The following UTY variants were observed in gnomAD, a reference collection of about 807,000 sequenced individuals.
UTY encodes the protein ubiquitously transcribed tetratricopeptide repeat containing, Y-linked, also known as histone demethylase UTY.
In UTY, 12 loss-of-function variants were observed where a neutral mutation model predicts 32.5. The observed-to-expected ratio is 0.37, with a 90% CI of 0.24 to 0.60. The LOEUF (loss-of-function observed/expected upper bound fraction) is 0.60. Among genes scored for constraint, UTY ranks in the 20% least tolerant of loss-of-function variants. The pLI is 0.69. For synonymous variants in UTY, 131 were observed against 103.4 expected (o/e 1.27, Z -1.62); for missense variants, 303 against 299.2 (o/e 1.01, Z -0.09).
intron 6 of UTY, among the ~76,000 whole-genome samples, chrY:13,409,312 A>G: frequency 3.0e-5 from 1 of 33,599 alleles, no homozygotes; most frequent in East Asian, 7.6e-4. Context: ...ACTGCACTTA[A>G]CCTTGGACTT....
chrY:13,452,006 ACT>A lies in UTY; in HGVS notation c.326-2942_326-2941del, dbSNP rs2076368493. Among the ~76,000 whole-genome samples, 7 of 33,693 alleles carry A rather than the reference ACT, an allele frequency of 2.1e-4. No homozygotes were observed. The East Asian group carries it at 3.9e-3, about 19-fold the overall frequency. 90.4% of individuals were successfully genotyped at this position (33,693 alleles called of 37,273 possible). ...CAGTTCAACATTAGCAAAAAGCCTA[ACT>A]CAGTAATCTGAACTTTAACATTCAC... On this transcript the variant is annotated intron_variant, in intron 3 of 29. Coordinates refer to ENST00000545955, the MANE Select transcript of UTY (RefSeq NM_001258249.2).
intron 4 of UTY, among the ~76,000 whole-genome samples, chrY:13,445,303 G>A (rs2075642122): frequency 1.3e-3 from 26 of 20,633 alleles, no homozygotes; most frequent in African/African-American, 4.7e-3. Flanking sequence ...TATCTCTTGT[G>A]ACCATGACAG....
intron 17 of UTY, among the ~76,000 whole-genome samples, chrY:13,341,770 A>G: frequency 6.0e-5 from 2 of 33,180 alleles, no homozygotes; most frequent in African/African-American, 2.4e-4. Context: ...CAGTTGGACC[A>G]CTGTCTAAAA....
chrY:13,266,668 C>A (rs2055835528), intron 27 of UTY, among the ~76,000 whole-genome samples: 1 of 33,337 alleles, frequency 3.0e-5, no homozygotes, highest in East Asian at 7.8e-4. Flanking sequence ...TCCCTCTATA[C>A]AACGCTTTAG....
intron 21 of UTY, among the ~76,000 whole-genome samples, chrY:13,321,601 T>C (rs564163322): frequency 3.5e-3 from 116 of 33,355 alleles, no homozygotes; most frequent in African/African-American, 0.013. Context: ...TACAACCATT[T>C]GTCTCTTACC....
rs751011223 is a variant in UTY at position 13,362,075 on chromosome Y, G to A, written c.867-1547C>T. ...CAGACAAATCTGGCTAATACTGGAA[G>A]AAATAAGCAGTATTTTCTCAGACCA... On this transcript the variant is annotated intron_variant, in intron 10 of 29. Coordinates refer to ENST00000545955, the MANE Select transcript of UTY (RefSeq NM_001258249.2). 1.3e-3 allele frequency among the ~76,000 whole-genome samples: 43 copies of A among 33,763 alleles called. No homozygotes were observed. In the South Asian group the frequency reaches 0.028, roughly 22 times the overall value. The allele number at this position is 33,763 out of a possible 37,273, so 90.6% of individuals were successfully genotyped here.
At chrY:13,267,637 C>T (rs2055938225) in intron 27 of UTY, among the ~76,000 whole-genome samples, 1 of 33,684 alleles carries the variant, frequency 3.0e-5, no homozygotes, top group African/African-American at 1.2e-4. Flanking sequence ...GGTATGTTTT[C>T]GCAGTGGTTA....
chrY:13,297,893 G>C, intron 26 of UTY, 45 bp from the exon 27 acceptor site: 1 of 310,415 alleles, frequency 3.2e-6, no homozygotes, highest in Non-Finnish European at 4.8e-6. Flanking sequence ...CAAAGTAATA[G>C]AACACATGAA....
chrY:13,433,835 C>T (rs2074265137), intron 4 of UTY, among the ~76,000 whole-genome samples: 1 of 33,864 alleles, frequency 3.0e-5, no homozygotes, highest in Non-Finnish European at 7.4e-5. Context: ...CAAGACTTAT[C>T]TACATAAATG....
At chrY:13,264,716 G>C (rs2055606497) in intron 27 of UTY, among the ~76,000 whole-genome samples, 1 of 32,419 alleles carries the variant, frequency 3.1e-5, no homozygotes, top group Admixed American at 2.8e-4. Flanking sequence ...GATGCCTATT[G>C]ATTTTGCTGT....
Position 13,306,113 on chromosome Y carries a change from C to T in UTY, c.3342-1G>A. The T allele has an allele frequency of 2.5e-6, 1 of 396,672 alleles. No homozygotes were observed. The highest frequency in any genetic ancestry group is 3.5e-6 in the Non-Finnish European group (1 of 282,252). On this transcript the variant is annotated splice_acceptor_variant, in intron 22 of 29. Coordinates refer to ENST00000545955, the MANE Select transcript of UTY (RefSeq NM_001258249.2). LOFTEE classifies it high-confidence loss of function. Reference sequence around the variant, plus strand: ...AGGTCCTTTCCTTCTCCTTCCAGAACTTAAAAAAAGAGAGAATATGAAATC... The same window carrying T: ...AGGTCCTTTCCTTCTCCTTCCAGAATTTAAAAAAAGAGAGAATATGAAATC...
chrY:13,313,096 A>G (rs2059289493), intron 21 of UTY, among the ~76,000 whole-genome samples: 1 of 33,205 alleles, frequency 3.0e-5, no homozygotes, highest in Admixed American at 2.7e-4. Context: ...ATAGACATGC[A>G]CTCTTTTGTT....
chrY:13,356,088 C>A, intron 15 of UTY, 70 bp from the exon 16 acceptor site: 1 of 199,213 alleles, frequency 5.0e-6, no homozygotes, highest in African/African-American at 8.1e-5. Flanking sequence ...CAACTCCTCA[C>A]TAAAAAGACT....
intron 4 of UTY, among the ~76,000 whole-genome samples, chrY:13,443,916 T>C: frequency 3.0e-5 from 1 of 33,859 alleles, no homozygotes; most frequent in East Asian, 7.8e-4. Flanking sequence ...TTACATTAAA[T>C]GGAATATAAA....
At chrY:13,408,711 C>T (rs2070414994) in intron 6 of UTY, among the ~76,000 whole-genome samples, 1 of 32,294 alleles carries the variant, frequency 3.1e-5, no homozygotes, top group Admixed American at 2.9e-4. Flanking sequence ...CTATAACAAT[C>T]TCAAAAATAG....
intron 17 of UTY, among the ~76,000 whole-genome samples, chrY:13,342,975 G>A (rs2061601914): frequency 3.0e-5 from 1 of 33,534 alleles, no homozygotes; most frequent in Non-Finnish European, 7.4e-5. Flanking sequence ...ACTGTATGAG[G>A]CTACCAAAGT....
chrY:13,409,863 T>C (rs771093284), intron 6 of UTY, among the ~76,000 whole-genome samples: 1 of 33,805 alleles, frequency 3.0e-5, no homozygotes, highest in Admixed American at 2.6e-4. Context: ...GTGGACAATA[T>C]TCTGTCTATG....
chrY:13,410,345 A>C (rs2070734787), intron 6 of UTY, among the ~76,000 whole-genome samples: 1 of 33,605 alleles, frequency 3.0e-5, no homozygotes, highest in East Asian at 7.6e-4. Context: ...CTTAAAGGGA[A>C]GACCTATTTT....
At chrY:13,347,323 CAT>C in intron 17 of UTY, among the ~76,000 whole-genome samples, 1 of 33,357 alleles carries the variant, frequency 3.0e-5, no homozygotes, top group Non-Finnish European at 7.4e-5. Context: ...GGATGCAAGA[CAT>C]GTTTTTCTCA....
Sources: allele counts gnomAD v4.1 joint callset (sites outside exome capture counted in the v4.1 genomes callset), GRCh38; gene constraint gnomAD v4.1.1; transcripts MANE v1.5; gene names NCBI Gene and HGNC (gene_info 2026-07-23, HGNC 2026-07-21).